The following EPB41 variants were observed in gnomAD, a reference collection of about 807,000 sequenced individuals.
EPB41 encodes protein 4.1.
In EPB41, 65 loss-of-function variants were observed where a neutral mutation model predicts 108.0. The ratio of observed to expected loss-of-function variants is 0.60; its 90% CI spans 0.49 to 0.74. EPB41 has a LOEUF of 0.74. Among genes scored for constraint, EPB41 ranks in the 30% least tolerant of loss-of-function variants. EPB41 has a pLI of 0.00. For synonymous variants in EPB41, 336 were observed against 358.9 expected, an observed-to-expected ratio of 0.94 and a Z score of 0.72; for missense variants, 875 against 1,037.0, an observed-to-expected ratio of 0.84 and a Z score of 2.15.
chr1:29,029,513 T>C (rs114050538), intron 7 of EPB41, among the ~76,000 whole-genome samples: 1,989 of 152,254 alleles, frequency 0.013, 44 homozygotes, highest in African/African-American at 0.044. Flanking sequence ...AAACTGGCGT[T>C]TACTGTTTTT....
chr1:29,061,071 A>G (rs927440319), intron 15 of EPB41, among the ~76,000 whole-genome samples: 3 of 152,076 alleles, frequency 2.0e-5, no homozygotes, highest in Non-Finnish European at 4.4e-5. Flanking sequence ...AAAGATGACA[A>G]AATTGAACCT....
intron 9 of EPB41, among the ~76,000 whole-genome samples, chr1:29,034,723 GATCA>G (rs965931713): frequency 2.0e-5 from 3 of 152,156 alleles, no homozygotes; most frequent in Admixed American, 6.5e-5. Flanking sequence ...ATAAATTAAT[GATCA>G]ATCAAAGGAA....
rs867598079 is a variant in EPB41, at chr1:28,943,227, A to G, written c.-8+28459A>G. 7.9e-5 allele frequency among the ~76,000 whole-genome samples: 12 copies of G among 152,346 alleles called. 1 individual carries two copies. In the Middle Eastern group the frequency reaches 0.017, roughly 216 times the overall value. Reference sequence around the variant, plus strand: ...TTTGATTCTAAGGAAGGAAATAAAGATTTCAAAACTAATCGAGTCAAAAAA... The same window carrying G: ...TTTGATTCTAAGGAAGGAAATAAAGGTTTCAAAACTAATCGAGTCAAAAAA... On this transcript the variant is annotated intron_variant, in intron 1 of 20. Transcript: ENST00000343067.
chr1:28,960,998 C>T (rs1302339251), intron 1 of EPB41, among the ~76,000 whole-genome samples: 3 of 147,704 alleles, frequency 2.0e-5, no homozygotes, highest in South Asian at 2.1e-4. Context: ...AGTGCCACTG[C>T]ACTCCAGCCT....
intron 1 of EPB41, among the ~76,000 whole-genome samples, chr1:28,908,443 T>TTATTATTA (rs768300221): frequency 2.7e-5 from 4 of 145,832 alleles, no homozygotes; most frequent in African/African-American, 7.7e-5. Flanking sequence ...TATTATTATT[T>TTATTATTA]TTTTTTGAGA....
chr1:29,102,445 CA>C (rs1446422915), intron 17 of EPB41, among the ~76,000 whole-genome samples: 1 of 152,136 alleles, frequency 6.6e-6, no homozygotes, highest in East Asian at 1.9e-4. Flanking sequence ...AACCAACAAC[CA>C]AAACGTATAG....
chr1:28,916,129 A>G (rs2092648119), intron 1 of EPB41, among the ~76,000 whole-genome samples: 2 of 152,174 alleles, frequency 1.3e-5, no homozygotes, highest in African/African-American at 4.8e-5. Flanking sequence ...GGGTGTTATT[A>G]ATATAATCCA....
At position 29,028,116 on chromosome 1, in the gene EPB41, G is replaced by A. The variant is rs1056087441; in HGVS notation, c.1125-2284G>A. On this transcript the variant is annotated intron_variant, in intron 7 of 20. Coordinates refer to ENST00000343067, the MANE Select transcript of EPB41 (RefSeq NM_001376013.1). ...TGGGATTATAGACGTGAGCCACCGC[G>A]CCAGGCCTGATCTCTCCTTATTTTT... 3.9e-5 allele frequency among the ~76,000 whole-genome samples: 6 copies of A among 152,234 alleles called. No individual in the cohort carries two copies. In the East Asian group the frequency reaches 7.7e-4, roughly 20 times the overall value.
rs1246533963 is a variant in EPB41 at position 28,993,449 on chromosome 1, A to G, written c.588A>G (p.Glu196=). The stretch of plus-strand genomic sequence containing the variant: ...GCCCTCAATCAAAAGCAGAAACAGA[A>G]TTAAAAGCTTCCCAAAAACCAATCA... ...EESPQSKAET[E]LKASQKPIRK... is the part of the protein sequence containing the mutation. Residue 196 remains glutamate (E), a synonymous_variant, in exon 3 of 21, where the codon GAA becomes GAG. Transcript: ENST00000343067. 3 of 1,614,042 alleles carry G rather than the reference A, an allele frequency of 1.9e-6. No individual in the cohort carries two copies. Among genetic ancestry groups the G allele is most frequent in the Non-Finnish European group, 1.7e-6 (2 of 1,179,984 alleles).
At chr1:29,067,424 A>G (rs1198684574) in intron 16 of EPB41, among the ~76,000 whole-genome samples, 1 of 133,230 alleles carries the variant, frequency 7.5e-6, no homozygotes, top group Non-Finnish European at 1.5e-5. Context: ...TAAACCTGGG[A>G]GGCGGAGCTT....
intron 17 of EPB41, among the ~76,000 whole-genome samples, chr1:29,106,215 G>T (rs1435787626): frequency 6.6e-6 from 1 of 152,146 alleles, no homozygotes. Context: ...AGTGTCTCCT[G>T]CATCTTTAGC....
intron 1 of EPB41, among the ~76,000 whole-genome samples, chr1:28,901,086 A>C (rs539881586): frequency 6.1e-5 from 9 of 147,806 alleles, no homozygotes; most frequent in African/African-American, 1.0e-4. Flanking sequence ...CCTGCCACCA[A>C]GCCCGGCTAA....
At chr1:28,889,296 T>C (rs1172046345) in intron 1 of EPB41, among the ~76,000 whole-genome samples, 1 of 152,216 alleles carries the variant, frequency 6.6e-6, no homozygotes, top group Non-Finnish European at 1.5e-5. Flanking sequence ...GTTTCCGCTG[T>C]ATGTATAGGA....
chr1:29,045,365 ATATTATTAGATAGGGTCTCAC>A (rs1642847366), intron 11 of EPB41, among the ~76,000 whole-genome samples: 1 of 151,656 alleles, frequency 6.6e-6, no homozygotes, highest in Non-Finnish European at 1.5e-5. Context: ...TTTTATATTA[ATATTATTAGATAGGGTCTCAC>A]TCTGTCATCC....
At position 29,058,794 on chromosome 1, in the gene EPB41, A is replaced by G. The variant is rs1218796855; in HGVS notation, c.1903-17A>G. On this transcript the variant is annotated splice_polypyrimidine_tract_variant and intron_variant, in intron 13 of 20. Transcript: ENST00000343067. ...ATTTTATCATTTTTCTTTCTTTTTT[A>G]AATTATGGCAAAACAGAAGCTTGCA... 6.5e-7 allele frequency: 1 copy of G among 1,540,268 alleles called. No individual in the cohort carries two copies. The highest frequency in any genetic ancestry group is 1.4e-5 in the African/African-American group (1 of 72,188).
At chr1:29,091,863 A>G (rs1465344345) in intron 16 of EPB41, among the ~76,000 whole-genome samples, 2 of 152,134 alleles carry the variant, frequency 1.3e-5, no homozygotes, top group East Asian at 3.9e-4. Context: ...TTTGAGTTGC[A>G]TGTTTCAAAA....
intron 5 of EPB41, among the ~76,000 whole-genome samples, chr1:29,014,513 G>A (rs2096551777): frequency 6.6e-6 from 1 of 151,726 alleles, no homozygotes; most frequent in Non-Finnish European, 1.5e-5. Context: ...CCATGGTAAC[G>A]TGCTCTTTCC....
At chr1:29,088,122 C>T (rs563482090) in intron 16 of EPB41, among the ~76,000 whole-genome samples, 2 of 150,800 alleles carry the variant, frequency 1.3e-5, no homozygotes, top group Non-Finnish European at 3.0e-5. Context: ...TTTCAGCTCA[C>T]TGCAACCTCC....
At chr1:28,894,242 G>A (rs2090437283) in intron 1 of EPB41, among the ~76,000 whole-genome samples, 1 of 152,192 alleles carries the variant, frequency 6.6e-6, no homozygotes, top group South Asian at 2.1e-4. Context: ...ACCAGGTGCT[G>A]TATCTTCAGC....
Sources: gnomAD v4.1 joint callset for allele counts (sites outside exome capture counted in the v4.1 genomes callset) on GRCh38, gnomAD v4.1.1 for gene constraint, MANE v1.5 for transcripts, NCBI Gene and HGNC (gene_info 2026-07-23, HGNC 2026-07-21) for gene names.